DISC1: variants seen among roughly 807,000 people sequenced by gnomAD.
The protein encoded by DISC1 is DISC1 scaffold protein.
In DISC1, 57 loss-of-function variants were observed where a neutral mutation model predicts 84.5. That is an observed-to-expected ratio of 0.67 (90% CI 0.55 to 0.84). The LOEUF (loss-of-function observed/expected upper bound fraction) is 0.84. DISC1 is among the 40% of genes least tolerant of loss of function. The pLI, the probability that DISC1 is intolerant of heterozygous loss-of-function variation, is 0.00. For missense variants in DISC1, 1,000 were observed against 1,057.8 expected (o/e 0.95, Z 0.76); for synonymous variants, 411 against 415.2 (o/e 0.99, Z 0.12).
chr1:231,733,064 GGTA>G (rs1474565764), intron 3 of DISC1, among the ~76,000 whole-genome samples: 4 of 5,512 alleles, frequency 7.3e-4, no homozygotes, highest in Non-Finnish European at 1.4e-3. Context: ...TGGTAGGAGT[GGTA>G]GTGGTGGTAA....
intron 6 of DISC1, among the ~76,000 whole-genome samples, chr1:231,793,608 C>G (rs1387606523): frequency 2.0e-5 from 3 of 152,180 alleles, no homozygotes; most frequent in South Asian, 2.1e-4. Context: ...AGAGGCCTGT[C>G]TGGTTTTGTC....
intron 3 of DISC1, among the ~76,000 whole-genome samples, chr1:231,738,923 T>A (rs557035910): frequency 1.3e-5 from 2 of 152,346 alleles, no homozygotes; most frequent in East Asian, 3.9e-4. Flanking sequence ...CTTTGAATAC[T>A]TCTTAATTTT....
intron 9 of DISC1, among the ~76,000 whole-genome samples, chr1:231,912,078 G>GT (rs1320272055): frequency 1.3e-5 from 2 of 152,088 alleles, no homozygotes; most frequent in Non-Finnish European, 2.9e-5. Context: ...TTCGTCTAAT[G>GT]TTTTTTCAAG....
chr1:231,959,339 C>G, intron 10 of DISC1: 3 of 985,642 alleles, frequency 3.0e-6, no homozygotes, highest in Non-Finnish European at 3.6e-6. Flanking sequence ...TTTCTGGTTG[C>G]TTTTTTTAAA....
At chr1:231,706,386 A>G (rs2067100521) in intron 3 of DISC1, among the ~76,000 whole-genome samples, 3 of 152,186 alleles carry the variant, frequency 2.0e-5, no homozygotes, top group Non-Finnish European at 4.4e-5. Flanking sequence ...GGGCGTGGGC[A>G]ACAAGTTTCT....
chr1:231,948,786 G>T lies in DISC1; in HGVS notation c.1982-10042G>T, dbSNP rs550660889. On this transcript the variant is annotated intron_variant, in intron 9 of 12. Coordinates refer to ENST00000439617, the MANE Select transcript of DISC1 (RefSeq NM_018662.3). The stretch of plus-strand genomic sequence containing the variant: ...TCTCTATCATGATGCCCAGGGCAGG[G>T]GCCCCTCTTGGGCAGGTCCAAGGGC... Among the ~76,000 whole-genome samples, 3 of 152,086 alleles carry T rather than the reference G, an allele frequency of 2.0e-5. No individual in the cohort carries two copies. The South Asian group carries it at 6.2e-4, about 32-fold the overall frequency.
At chr1:231,875,659 T>C (rs973523188) in intron 9 of DISC1, among the ~76,000 whole-genome samples, 1 of 152,210 alleles carries the variant, frequency 6.6e-6, no homozygotes, top group Non-Finnish European at 1.5e-5. Flanking sequence ...TTGAAGGAAC[T>C]AAACTGTACT....
intron 9 of DISC1, among the ~76,000 whole-genome samples, chr1:231,879,328 G>T (rs1264955786): frequency 6.6e-6 from 1 of 151,864 alleles, no homozygotes; most frequent in South Asian, 2.1e-4. Context: ...TCTAAGAGTG[G>T]AATTTCTGGG....
At chr1:231,832,903 G>A (rs2082346101) in intron 9 of DISC1, among the ~76,000 whole-genome samples, 1 of 135,776 alleles carries the variant, frequency 7.4e-6, no homozygotes, top group South Asian at 2.5e-4. Context: ...TGTAACAGGT[G>A]AGTGATAACA....
chr1:231,640,355 G>C (rs1242264952), intron 1 of DISC1, among the ~76,000 whole-genome samples: 1 of 152,074 alleles, frequency 6.6e-6, no homozygotes, highest in East Asian at 1.9e-4. Context: ...GAGTGTCTTG[G>C]GGAAGATGAG....
chr1:231,822,772 T>G lies in DISC1; in HGVS notation c.1981+4255T>G, dbSNP rs1246706683. Among the ~76,000 whole-genome samples, 2 of 152,154 alleles carry G rather than the reference T, an allele frequency of 1.3e-5. 1 individual carries two copies. Among genetic ancestry groups the G allele is most frequent in the Admixed American group, 1.3e-4 (2 of 15,262 alleles). On this transcript the variant is annotated intron_variant, in intron 9 of 12. Transcript: ENST00000439617. ...GCATAGTGCCAACATCTGCTTCTGG[T>G]GAGGGCCTCAGGCTGCTTCCACTCA...
intron 9 of DISC1, among the ~76,000 whole-genome samples, chr1:231,887,020 C>T (rs2086822819): frequency 6.6e-6 from 1 of 151,794 alleles, no homozygotes. Flanking sequence ...CATCACCATG[C>T]ACAGCTAATT....
At chr1:231,991,104 C>A (rs950017481) in intron 10 of DISC1, among the ~76,000 whole-genome samples, 5 of 152,218 alleles carry the variant, frequency 3.3e-5, no homozygotes, top group African/African-American at 9.6e-5. Flanking sequence ...TTTCTTTCTC[C>A]AACAGCCAGA....
chr1:231,694,758 G>T lies in DISC1; in HGVS notation c.1000G>T (p.Glu334Ter). 1 of 1,614,070 alleles carries T rather than the reference G, an allele frequency of 6.2e-7. No homozygotes were observed. The highest frequency in any genetic ancestry group is 2.2e-5 in the East Asian group (1 of 44,884). The change falls in exon 2 of 13, where the codon GAG (glutamate) becomes TAG (stop). Residue 334 changes from glutamate to a stop codon, truncating the protein, a stop_gained. Transcript: ENST00000439617. LOFTEE classifies it high-confidence loss of function. ...TTGGGACACCCTGCTCAGGAAATGG[G>T]AGCCAGTGCTGCGGGACTGCCTGCT... ...HSWDTLLRKWEPVLRDCLLRN... is the reference protein window; with the variant it reads ...HSWDTLLRKW
At chr1:231,670,319 T>G (rs2062477964) in intron 1 of DISC1, among the ~76,000 whole-genome samples, 1 of 152,096 alleles carries the variant, frequency 6.6e-6, no homozygotes, top group Admixed American at 6.6e-5. Context: ...ATGACACAAG[T>G]TTACCTACAT....
chr1:231,912,753 CTTTCT>C (rs2089318136), intron 9 of DISC1, among the ~76,000 whole-genome samples: 1 of 62,702 alleles, frequency 1.6e-5, no homozygotes, highest in Admixed American at 1.2e-4. Context: ...TTCTTTCTTT[CTTTCT>C]TTCTTTCTTT....
rs138681430 is a variant in DISC1 at position 231,905,148 on chromosome 1, G to A, written c.1982-53680G>A. 9.2e-5 allele frequency among the ~76,000 whole-genome samples: 14 copies of A among 152,254 alleles called. No individual in the cohort carries two copies. The East Asian group carries it at 1.7e-3, about 19-fold the overall frequency. On this transcript the variant is annotated intron_variant, in intron 9 of 12. Transcript: ENST00000439617. ...GTTATCATCAGCAATGGGACAAGTC[G>A]AAGTCCTTAGCCACCACAGTAAGCT... is the stretch of plus-strand genomic sequence containing the variant.
At chr1:231,953,204 G>A (rs369668410) in intron 9 of DISC1, among the ~76,000 whole-genome samples, 7 of 152,298 alleles carry the variant, frequency 4.6e-5, no homozygotes, top group South Asian at 4.1e-4. Flanking sequence ...GATATCACGC[G>A]TGTCCCCACA....
chr1:231,916,451 G>T (rs1000527752), intron 9 of DISC1, among the ~76,000 whole-genome samples: 1 of 151,794 alleles, frequency 6.6e-6, no homozygotes, highest in Non-Finnish European at 1.5e-5. Flanking sequence ...TCAGGAGATC[G>T]AGACCATCCC....
Sources: allele counts gnomAD v4.1 joint callset (sites outside exome capture counted in the v4.1 genomes callset), GRCh38; gene constraint gnomAD v4.1.1; transcripts MANE v1.5; gene names NCBI Gene and HGNC (gene_info 2026-07-23, HGNC 2026-07-21).